The following UNC5A variants were observed in gnomAD, a reference collection of about 807,000 sequenced individuals.
The protein encoded by UNC5A is netrin receptor UNC5A.
UNC5A carries 20 observed loss-of-function variants against 87.4 expected under a neutral mutation model. The ratio of observed to expected loss-of-function variants is 0.23; its 90% CI spans 0.16 to 0.33. UNC5A has a LOEUF of 0.33. Among genes scored for constraint, UNC5A ranks in the 10% least tolerant of loss-of-function variants. UNC5A has a pLI of 1.00. For synonymous variants in UNC5A, 438 were observed against 482.3 expected (o/e 0.91, Z 1.20); for missense variants, 844 against 1,133.4 (o/e 0.74, Z 3.67).
In UNC5A at chr5:176,851,913, C is replaced by T. The variant is rs964548890; in HGVS notation, c.71-10711C>T. ...TACTCTAAGTAGAGTTACCTCCATC[C>T]GTGGGCAGTCGGGTGATCTGCCCCG... On this transcript the variant is annotated intron_variant, in intron 1 of 14. Transcript: ENST00000329542. Among the ~76,000 whole-genome samples, 11 of 152,280 alleles carry T rather than the reference C, an allele frequency of 7.2e-5. No homozygotes were observed. The South Asian group carries it at 8.3e-4, about 11-fold the overall frequency.
Position 176,812,332 on chromosome 5 carries a change from T to TA in UNC5A, c.70+1512_70+1513insA, listed in dbSNP as rs538147933. Among the ~76,000 whole-genome samples the TA allele has an allele frequency of 1.1e-4, 16 of 152,234 alleles. No individual in the cohort carries two copies. The South Asian group carries it at 2.9e-3, about 28-fold the overall frequency. ...CACCCAGTAGGTACCCTGGAAATGT[T>TA]TTCTGAGTTGATGCTTTTGAGGGCT... On this transcript the variant is annotated intron_variant, in intron 1 of 14. Transcript: ENST00000329542.
chr5:176,872,719 AC>A (rs1758153886), intron 6 of UNC5A, among the ~76,000 whole-genome samples: 1 of 61,186 alleles, frequency 1.6e-5, no homozygotes, highest in African/African-American at 7.2e-5. Context: ...GCCCACACTC[AC>A]CCCACACCAC....
chr5:176,859,981 A>C (rs1757793536), intron 1 of UNC5A, among the ~76,000 whole-genome samples: 1 of 152,222 alleles, frequency 6.6e-6, no homozygotes, highest in African/African-American at 2.4e-5. Context: ...ATTAGCAGTT[A>C]AATGCAGACA....
chr5:176,854,977 G>A (rs1388697903), intron 1 of UNC5A, among the ~76,000 whole-genome samples: 1 of 152,232 alleles, frequency 6.6e-6, no homozygotes, highest in Non-Finnish European at 1.5e-5. Flanking sequence ...GGTCACCCAG[G>A]CAGACAGCAG....
chr5:176,816,061 A>G (rs1424268190), intron 1 of UNC5A, among the ~76,000 whole-genome samples: 2 of 152,218 alleles, frequency 1.3e-5, no homozygotes, highest in Non-Finnish European at 2.9e-5. Flanking sequence ...GATCTTTTAG[A>G]CAAATCATTT....
intron 11 of UNC5A, 22 bp downstream of exon 11, chr5:176,878,149 C>A: frequency 6.2e-7 from 1 of 1,604,512 alleles, no homozygotes; most frequent in Non-Finnish European, 8.5e-7. Context: ...CCCTCACCCC[C>A]CGCCGCTGGG....
chr5:176,826,674 T>C (rs1756863694), intron 1 of UNC5A, among the ~76,000 whole-genome samples: 2 of 148,722 alleles, frequency 1.3e-5, no homozygotes, highest in African/African-American at 5.0e-5. Context: ...ACAGTCTTGC[T>C]CTGTTGCCCA....
rs1192371207 is a variant in UNC5A at position 176,868,670 on chromosome 5, G to A, written c.540+6G>A. The A allele has an allele frequency of 1.2e-6, 2 of 1,603,316 alleles. No individual in the cohort carries two copies. Among genetic ancestry groups the A allele is most frequent in the Non-Finnish European group, 1.7e-6 (2 of 1,174,728 alleles). ...AGGGCATCCCTCCAGCCGAGGTGAG[G>A]GCTCCTCTAGTGCCCACGTCTGGAC... On this transcript the variant is annotated splice_donor_region_variant and intron_variant, in intron 4 of 14. Transcript: ENST00000329542.
At chr5:176,862,564 G>T in intron 1 of UNC5A, 60 bp from the exon 2 acceptor site, 1 of 1,510,968 alleles carries the variant, frequency 6.6e-7, no homozygotes, top group Non-Finnish European at 9.1e-7. Flanking sequence ...TTGCTGAGCC[G>T]CTGCCTCTAC....
chr5:176,825,239 G>T (rs1756824166), intron 1 of UNC5A, among the ~76,000 whole-genome samples: 1 of 152,196 alleles, frequency 6.6e-6, no homozygotes, highest in Admixed American at 6.5e-5. Context: ...TTAGGGAATG[G>T]CCATGGCTGG....
At position 176,877,563 on chromosome 5, in the gene UNC5A, C is replaced by T; in HGVS notation, c.1495C>T (p.Leu499=). The T allele has an allele frequency of 6.2e-7, 1 of 1,607,494 alleles. No individual in the cohort carries two copies. Among genetic ancestry groups the T allele is most frequent in the Non-Finnish European group, 8.5e-7 (1 of 1,176,532 alleles). ...GCCCCTAGCTGGCTGTCAGACCCTGCTGAGTCCCATCGTTAGCTGTGGACC... is the reference window on the plus strand; with the variant it reads ...GCCCCTAGCTGGCTGTCAGACCCTGTTGAGTCCCATCGTTAGCTGTGGACC... The part of the protein sequence containing the change: ...RLPLAGCQTL[L]SPIVSCGPPG... Residue 499 remains leucine, a synonymous_variant, in exon 10 of 15, where the codon CTG becomes TTG. Transcript: ENST00000329542.
chr5:176,845,228 C>T (rs979986977), intron 1 of UNC5A, among the ~76,000 whole-genome samples: 1 of 152,168 alleles, frequency 6.6e-6, no homozygotes, highest in Non-Finnish European at 1.5e-5. Context: ...TAGCCTCCAC[C>T]AGCCCCACGA....
intron 2 of UNC5A, 124 bp from the exon 3 acceptor site, chr5:176,868,006 A>T: frequency 1.3e-6 from 1 of 785,016 alleles, no homozygotes; most frequent in Non-Finnish European, 1.8e-6. Flanking sequence ...TAAAATTTAA[A>T]AAAAAAAAAA....
intron 14 of UNC5A, 50 bp downstream of exon 14, chr5:176,879,538 G>A: frequency 1.3e-6 from 2 of 1,558,060 alleles, no homozygotes; most frequent in Non-Finnish European, 1.7e-6. Context: ...CGACAGTCCT[G>A]CCCGGCGGCG....
intron 1 of UNC5A, among the ~76,000 whole-genome samples, chr5:176,827,074 A>T (rs996464693): frequency 9.2e-5 from 14 of 151,812 alleles, no homozygotes; most frequent in Non-Finnish European, 1.9e-4. Flanking sequence ...ATGTAAATGG[A>T]ATCATGTAAT....
chr5:176,833,962 C>G (rs911560096), intron 1 of UNC5A, among the ~76,000 whole-genome samples: 1 of 152,034 alleles, frequency 6.6e-6, no homozygotes, highest in Non-Finnish European at 1.5e-5. Flanking sequence ...CCTCGGCCTC[C>G]CAAAGTGCTG....
At chr5:176,855,041 C>G (rs550251972) in intron 1 of UNC5A, among the ~76,000 whole-genome samples, 5 of 152,028 alleles carry the variant, frequency 3.3e-5, no homozygotes, top group Non-Finnish European at 4.4e-5. Flanking sequence ...TAGCTTCAGC[C>G]AAAAAAAGGA....
Position 176,877,551 on chromosome 5 carries a change from T to G in UNC5A, c.1483T>G (p.Cys495Gly). ...CCACTTGAGGTTGCCCCTAGCTGGC[T>G]GTCAGACCCTGCTGAGTCCCATCGT... ...PEDVRLPLAGCQTLLSPIVSC... is the reference protein window; with the variant it reads ...PEDVRLPLAGGQTLLSPIVSC... Residue 495 changes from cysteine to glycine, a missense_variant, in exon 10 of 15, where the codon TGT (cysteine) becomes GGT (glycine). Transcript: ENST00000329542. 1 of 1,597,562 alleles carries G rather than the reference T, an allele frequency of 6.3e-7. No homozygotes were observed. Among genetic ancestry groups the G allele is most frequent in the Non-Finnish European group, 8.5e-7 (1 of 1,170,814 alleles).
chr5:176,843,439 G>A (rs979490952), intron 1 of UNC5A, among the ~76,000 whole-genome samples: 2 of 152,330 alleles, frequency 1.3e-5, no homozygotes, highest in Middle Eastern at 3.4e-3. Context: ...AAAGCAGAAG[G>A]GGGTTGGGAG....
Sources: allele counts gnomAD v4.1 joint callset (sites outside exome capture counted in the v4.1 genomes callset), GRCh38; gene constraint gnomAD v4.1.1; transcripts MANE v1.5; gene names NCBI Gene and HGNC (gene_info 2026-07-23, HGNC 2026-07-21).